Variants in CDC42BPA observed in about 807,000 individuals in gnomAD.
CDC42BPA encodes the protein serine/threonine-protein kinase MRCK alpha.
In CDC42BPA, 80 loss-of-function variants were observed where a neutral mutation model predicts 223.5. The ratio of observed to expected loss-of-function variants is 0.36; its 90% CI spans 0.30 to 0.43. CDC42BPA has a LOEUF of 0.43. Among genes scored for constraint, CDC42BPA ranks in the 20% least tolerant of loss-of-function variants. The pLI is 1.00. For missense variants in CDC42BPA, 1,743 were observed against 2,099.9 expected (o/e 0.83, Z 3.32); for synonymous variants, 694 against 718.6 (o/e 0.97, Z 0.55).
intron 5 of CDC42BPA, among the ~76,000 whole-genome samples, chr1:227,178,598 T>C (rs1339678880): frequency 6.6e-6 from 1 of 152,132 alleles, no homozygotes; most frequent in Non-Finnish European, 1.5e-5. Context: ...CGGATTCAAG[T>C]GATTCTCCTG....
At chr1:227,133,614 T>A (rs1657829512) in intron 10 of CDC42BPA, among the ~76,000 whole-genome samples, 1 of 152,210 alleles carries the variant, frequency 6.6e-6, no homozygotes, top group Non-Finnish European at 1.5e-5. Flanking sequence ...TTTTGTTCTG[T>A]ACTAAGAAAA....
At position 227,248,893 on chromosome 1, in the gene CDC42BPA, C is replaced by G. The variant is rs182146565; in HGVS notation, c.270+5171G>C. Among the ~76,000 whole-genome samples, 3 of 152,182 alleles carry G rather than the reference C, an allele frequency of 2.0e-5. No individual in the cohort carries two copies. The East Asian group carries it at 5.8e-4, about 29-fold the overall frequency. On this transcript the variant is annotated intron_variant, in intron 2 of 36. Coordinates refer to ENST00000366766, the MANE Select transcript of CDC42BPA (RefSeq NM_001394014.1). Reference sequence around the variant, plus strand: ...TCTACAGATTCAATGCAATCCCTGTCAAAGTATTAATGACATTCTTTCACA... The same window carrying G: ...TCTACAGATTCAATGCAATCCCTGTGAAAGTATTAATGACATTCTTTCACA...
rs35451914 is a variant in CDC42BPA at position 227,317,511 on chromosome 1, TAAA to T, written c.-332_-330del. The T allele has an allele frequency of 8.0e-3, 3,008 of 376,140 alleles. 20 individuals are homozygous for T. The highest frequency in any genetic ancestry group is 0.033 in the African/African-American group (1,494 of 45,322). The allele number at this position is 376,140 out of a possible 1,614,324, so 23.3% of individuals were successfully genotyped here. Reference sequence around the variant, plus strand: ...ACGAACTAGAGAGTCAACACTTCTTTAAAAAAAAAAAAAAAAACTCTTCTCCTT... The same window carrying T: ...ACGAACTAGAGAGTCAACACTTCTTTAAAAAAAAAAAAAACTCTTCTCCTT... On this transcript the variant is annotated 5_prime_UTR_variant, in exon 1 of 37. It introduces an in-frame stop codon into an upstream open reading frame of the 5' UTR. Coordinates refer to ENST00000366766, the MANE Select transcript of CDC42BPA (RefSeq NM_001394014.1).
intron 5 of CDC42BPA, among the ~76,000 whole-genome samples, chr1:227,180,799 G>A (rs748591972): frequency 6.6e-6 from 1 of 152,034 alleles, no homozygotes; most frequent in Non-Finnish European, 1.5e-5. Flanking sequence ...TTTCTTTCTT[G>A]TTCTAGTAGG....
intron 34 of CDC42BPA, among the ~76,000 whole-genome samples, chr1:227,011,561 A>G (rs1011143911): frequency 1.3e-5 from 2 of 152,210 alleles, no homozygotes; most frequent in Non-Finnish European, 2.9e-5. Flanking sequence ...TTATTTCCTT[A>G]TAACAGTTAA....
chr1:227,073,173 T>C (rs549822237), intron 19 of CDC42BPA, among the ~76,000 whole-genome samples: 8 of 152,262 alleles, frequency 5.3e-5, no homozygotes, highest in African/African-American at 1.9e-4. Context: ...TGGATTTTCG[T>C]ATTTGTAGTT....
chr1:227,207,431 T>C (rs1334926147), intron 3 of CDC42BPA, among the ~76,000 whole-genome samples: 1 of 149,908 alleles, frequency 6.7e-6, no homozygotes, highest in Admixed American at 6.7e-5. Flanking sequence ...TAGTTACATA[T>C]GTATACATGT....
At chr1:227,033,205 G>A (rs1669628157) in intron 27 of CDC42BPA, 129 bp downstream of exon 27, 1 of 583,320 alleles carries the variant, frequency 1.7e-6, no homozygotes, top group Non-Finnish European at 3.1e-6. Flanking sequence ...AGTACTGGAT[G>A]ATATGGAATA....
chr1:227,164,588 C>T (rs75048616), intron 5 of CDC42BPA, among the ~76,000 whole-genome samples: 13,889 of 145,490 alleles, frequency 0.095, 853 homozygotes, highest in Middle Eastern at 0.18. Context: ...ATCACTTGAG[C>T]CCAGGAGTTC....
intron 1 of CDC42BPA, among the ~76,000 whole-genome samples, chr1:227,256,936 T>TACACACAC (rs1354956767): frequency 7.3e-4 from 68 of 93,270 alleles, no homozygotes; most frequent in Admixed American, 2.1e-3. Flanking sequence ...CAAAATGTGA[T>TACACACAC]ATATATATAC....
intron 1 of CDC42BPA, among the ~76,000 whole-genome samples, chr1:227,284,532 C>T (rs1252486706): frequency 6.6e-6 from 1 of 152,138 alleles, no homozygotes; most frequent in Non-Finnish European, 1.5e-5. Flanking sequence ...ACTAATAGCA[C>T]TGGAGAGAAT....
intron 3 of CDC42BPA, among the ~76,000 whole-genome samples, chr1:227,210,469 G>C (rs1047867575): frequency 3.9e-5 from 6 of 152,102 alleles, no homozygotes; most frequent in African/African-American, 1.4e-4. Flanking sequence ...CTTCACAGGA[G>C]AACAGGGAGA....
intron 1 of CDC42BPA, among the ~76,000 whole-genome samples, chr1:227,306,049 G>A (rs1288702881): frequency 2.6e-5 from 4 of 151,678 alleles, no homozygotes; most frequent in Non-Finnish European, 5.9e-5. Flanking sequence ...TGCTAAAGAG[G>A]AGTTCAAATG....
At chr1:227,168,497 G>GTTTTGTTTTTTTTTTTTT (rs1553374263) in intron 5 of CDC42BPA, among the ~76,000 whole-genome samples, 1 of 80,196 alleles carries the variant, frequency 1.2e-5, no homozygotes, top group Admixed American at 1.5e-4. Flanking sequence ...CTTCCCTGGT[G>GTTTTGTTTTTTTTTTTTT]TTTTTTTTTT....
chr1:227,176,235 G>A (rs1482184316), intron 5 of CDC42BPA, among the ~76,000 whole-genome samples: 2 of 152,126 alleles, frequency 1.3e-5, no homozygotes, highest in East Asian at 3.8e-4. Context: ...TTACAGGTGT[G>A]AGCCACCATG....
chr1:227,241,373 C>T (rs1679984047), intron 2 of CDC42BPA, among the ~76,000 whole-genome samples: 1 of 152,002 alleles, frequency 6.6e-6, no homozygotes, highest in South Asian at 2.1e-4. Context: ...AAACATATTT[C>T]CATAAAAACC....
intron 34 of CDC42BPA, among the ~76,000 whole-genome samples, chr1:227,011,978 C>T (rs59945801): frequency 6.6e-6 from 1 of 152,060 alleles, no homozygotes; most frequent in Non-Finnish European, 1.5e-5. Context: ...CTGAGATGAA[C>T]CTGCTTTGTA....
chr1:227,156,348 T>G (rs4521964), intron 6 of CDC42BPA, among the ~76,000 whole-genome samples: 1 of 151,608 alleles, frequency 6.6e-6, no homozygotes, highest in Non-Finnish European at 1.5e-5. Context: ...AGAGATGAGG[T>G]CTTGCTATGT....
At chr1:227,015,632 A>G (rs1007922343) in intron 34 of CDC42BPA, among the ~76,000 whole-genome samples, 1 of 152,074 alleles carries the variant, frequency 6.6e-6, no homozygotes, top group African/African-American at 2.4e-5. Flanking sequence ...TAATTTCACA[A>G]CTGTCGGAGA....
Sources: gnomAD v4.1 joint callset for allele counts (sites outside exome capture counted in the v4.1 genomes callset) on GRCh38, gnomAD v4.1.1 for gene constraint, MANE v1.5 for transcripts, NCBI Gene and HGNC (gene_info 2026-07-23, HGNC 2026-07-21) for gene names.